MPHOSPH6: variants seen among roughly 807,000 people sequenced by gnomAD.
The protein encoded by MPHOSPH6 is M-phase phosphoprotein 6.
MPHOSPH6 carries 25 observed loss-of-function variants against 21.8 expected under a neutral mutation model. The ratio of observed to expected loss-of-function variants is 1.15; its 90% CI spans 0.83 to 1.60. The LOEUF (loss-of-function observed/expected upper bound fraction) is 1.60, where lower values mean the gene tolerates loss of function less well. Among genes scored for constraint, MPHOSPH6 ranks in the 40% most tolerant of loss-of-function variants. The probability of loss-of-function intolerance (pLI) is 0.00; values close to 1 mark genes in which losing one functional copy is unlikely to be tolerated. For synonymous variants in MPHOSPH6, 84 were observed against 56.5 expected (o/e 1.49, Z -2.18); for missense variants, 269 against 181.8 (o/e 1.48, Z -2.76).
At chr16:82,150,664 T>C (rs1205410105) in intron 3 of MPHOSPH6, among the ~76,000 whole-genome samples, 4 of 152,162 alleles carry the variant, frequency 2.6e-5, no homozygotes, top group African/African-American at 9.7e-5. Context: ...GCTACTGATA[T>C]TTAGTTGGTA....
intron 1 of MPHOSPH6, among the ~76,000 whole-genome samples, chr16:82,167,981 A>G (rs1301278366): frequency 6.6e-6 from 1 of 152,198 alleles, no homozygotes; most frequent in African/African-American, 2.4e-5. Context: ...TTCTATCAGT[A>G]TAGACAGTGT....
At chr16:82,150,435 C>T (rs1906228000) in intron 3 of MPHOSPH6, among the ~76,000 whole-genome samples, 1 of 152,150 alleles carries the variant, frequency 6.6e-6, no homozygotes, top group African/African-American at 2.4e-5. Context: ...TCTAACATAA[C>T]ACCTTAATTA....
chr16:82,153,417 T>G (rs1263910079), intron 2 of MPHOSPH6, among the ~76,000 whole-genome samples: 1 of 152,170 alleles, frequency 6.6e-6, no homozygotes, highest in African/African-American at 2.4e-5. Flanking sequence ...GTAGACCCCA[T>G]GAATGCGGAG....
At chr16:82,155,024 G>C (rs187031963) in intron 2 of MPHOSPH6, among the ~76,000 whole-genome samples, 1 of 152,206 alleles carries the variant, frequency 6.6e-6, no homozygotes, top group East Asian at 1.9e-4. Context: ...AGACCAAGTA[G>C]AGTGTATGTC....
At chr16:82,155,651 C>G (rs1342369351) in intron 2 of MPHOSPH6, among the ~76,000 whole-genome samples, 2 of 152,134 alleles carry the variant, frequency 1.3e-5, no homozygotes, top group Non-Finnish European at 2.9e-5. Flanking sequence ...TGCCTGTAAT[C>G]CCAGCACTTT....
At chr16:82,166,337 G>T (rs919503891) in intron 1 of MPHOSPH6, among the ~76,000 whole-genome samples, 16 of 152,356 alleles carry the variant, frequency 1.1e-4, no homozygotes, top group African/African-American at 3.8e-4. Context: ...GAATGTGCAC[G>T]CTATACTTCC....
intron 2 of MPHOSPH6, among the ~76,000 whole-genome samples, chr16:82,154,276 G>C (rs1168166366): frequency 1.3e-5 from 2 of 152,196 alleles, no homozygotes; most frequent in East Asian, 3.9e-4. Flanking sequence ...TAGGAGTAGA[G>C]ACAATTTAGC....
At chr16:82,169,293 T>C (rs1011008715) in intron 1 of MPHOSPH6, among the ~76,000 whole-genome samples, 2 of 152,254 alleles carry the variant, frequency 1.3e-5, no homozygotes, top group African/African-American at 2.4e-5. Flanking sequence ...CTCTAATTCT[T>C]GGAAATTTCC....
In MPHOSPH6 at chr16:82,170,200, T is replaced by A; in HGVS notation, c.-25A>T. On this transcript the variant is annotated 5_prime_UTR_variant, in exon 1 of 5. Coordinates refer to ENST00000258169, the MANE Select transcript of MPHOSPH6 (RefSeq NM_005792.2). ...TGGTAGCTTCCGCCCAGCGCCGCAC[T>A]CCGGCCGCGAGCCTCACCGCACATG... The A allele has an allele frequency of 1.9e-6, 3 of 1,556,652 alleles. No homozygotes were observed. Among genetic ancestry groups the A allele is most frequent in the Non-Finnish European group, 2.6e-6 (3 of 1,155,264 alleles).
intron 1 of MPHOSPH6, among the ~76,000 whole-genome samples, chr16:82,169,864 C>T (rs931901221): frequency 6.6e-6 from 1 of 152,256 alleles, no homozygotes; most frequent in African/African-American, 2.4e-5. Context: ...CCTCACTGCA[C>T]TGGGTAAGCT....
chr16:82,160,255 T>C (rs534530821), intron 2 of MPHOSPH6, among the ~76,000 whole-genome samples: 8 of 152,342 alleles, frequency 5.3e-5, no homozygotes, highest in African/African-American at 1.7e-4. Context: ...GTATTTTAAT[T>C]ATCCAATTTT....
chr16:82,165,847 G>T (rs978024017), intron 1 of MPHOSPH6, among the ~76,000 whole-genome samples: 2 of 105,498 alleles, frequency 1.9e-5, no homozygotes, highest in African/African-American at 5.9e-5. Flanking sequence ...AACAATGCAT[G>T]TTTCAGAACG....
rs186301115 is a variant in MPHOSPH6 at position 82,153,262 on chromosome 16, T to C, written c.165-1748A>G. ...AAAATAAAGCAGGTTATTCCATCCC[T>C]AGCTGTAGGGGAGTAATTGGTATGG... On this transcript the variant is annotated intron_variant, in intron 2 of 4. Coordinates refer to ENST00000258169, the MANE Select transcript of MPHOSPH6 (RefSeq NM_005792.2). Among the ~76,000 whole-genome samples, 478 of 152,332 alleles carry C rather than the reference T, an allele frequency of 3.1e-3. 2 individuals carry two copies. The highest frequency in any genetic ancestry group is 0.011 in the African/African-American group (454 of 41,572).
intron 2 of MPHOSPH6, among the ~76,000 whole-genome samples, chr16:82,160,686 G>C (rs1413662955): frequency 1.3e-5 from 2 of 152,084 alleles, no homozygotes; most frequent in Admixed American, 6.6e-5. Flanking sequence ...GCATCCACCT[G>C]GGCCACTTCA....
intron 2 of MPHOSPH6, 63 bp from the exon 3 acceptor site, chr16:82,151,577 C>A: frequency 1.3e-6 from 2 of 1,482,536 alleles, no homozygotes; most frequent in Non-Finnish European, 1.8e-6. Flanking sequence ...AAAGCCAACA[C>A]TTTGAATAAA....
intron 2 of MPHOSPH6, 133 bp from the exon 3 acceptor site, chr16:82,151,647 CTT>C: frequency 7.9e-7 from 1 of 1,263,034 alleles, no homozygotes; most frequent in Non-Finnish European, 1.0e-6. Context: ...AGATTTCTAA[CTT>C]AGGGTTAAAA....
At chr16:82,164,318 G>C (rs533945178) in intron 1 of MPHOSPH6, 124 bp from the exon 2 acceptor site, 5 of 664,294 alleles carry the variant, frequency 7.5e-6, no homozygotes, top group African/African-American at 7.3e-5. Context: ...TCAAGATTGA[G>C]GGTTGGGGCA....
intron 2 of MPHOSPH6, among the ~76,000 whole-genome samples, chr16:82,152,713 G>A (rs1157345988): frequency 2.6e-5 from 4 of 152,174 alleles, no homozygotes; most frequent in Admixed American, 6.5e-5. Context: ...GGCAGGTTGC[G>A]TTCCCTGGAC....
intron 2 of MPHOSPH6, among the ~76,000 whole-genome samples, chr16:82,152,850 G>A (rs1250318479): frequency 1.3e-5 from 2 of 152,130 alleles, no homozygotes; most frequent in African/African-American, 4.8e-5. Context: ...GCAAACATGT[G>A]GCTTTTAAGG....
Sources: allele counts gnomAD v4.1 joint callset (sites outside exome capture counted in the v4.1 genomes callset), GRCh38; gene constraint gnomAD v4.1.1; transcripts MANE v1.5; gene names NCBI Gene and HGNC (gene_info 2026-07-23, HGNC 2026-07-21).